The following ERCC1 variants were observed in gnomAD, a reference collection of about 807,000 sequenced individuals.
ERCC1 encodes DNA excision repair protein ERCC-1.
Under a neutral mutation model 37.6 loss-of-function variants are expected in ERCC1, and 36 were observed. The ratio of observed to expected loss-of-function variants is 0.96; its 90% CI spans 0.73 to 1.26. The LOEUF (loss-of-function observed/expected upper bound fraction) is 1.26, where lower values mean the gene tolerates loss of function less well. Among genes scored for constraint, ERCC1 ranks in the 50% most tolerant of loss-of-function variants. The probability of loss-of-function intolerance (pLI) is 0.00; values close to 1 mark genes in which losing one functional copy is unlikely to be tolerated. For missense variants in ERCC1, 349 were observed against 376.5 expected (o/e 0.93, Z 0.60); for synonymous variants, 156 against 162.1 (o/e 0.96, Z 0.28).
At chr19:45,424,203 C>T (rs944891004), upstream of ERCC1, 5 of 257,810 alleles carry the variant, frequency 1.9e-5, no homozygotes, top group African/African-American at 1.1e-4. Flanking sequence ...GACTTGGCTT[C>T]AGTTTCCTCA....
At position 45,409,468 on chromosome 19, in the gene ERCC1, G is replaced by C. The variant is rs2123436058; in HGVS notation, c.*207C>G. On this transcript the variant is annotated 3_prime_UTR_variant, in exon 10 of 10. Transcript: ENST00000300853. ...AGGAGGCTCCCACAGGCCGGGACAA[G>C]AAGCGGAAGCAGCAGCAGCAGCAGC... is the stretch of plus-strand genomic sequence containing the variant. 6.2e-7 allele frequency: 1 copy of C among 1,611,868 alleles called. No homozygotes were observed. The highest frequency in any genetic ancestry group is 8.5e-7 in the Non-Finnish European group (1 of 1,179,546).
chr19:45,440,750 C>T (rs1480347782), intron 1 of ERCC1, among the ~76,000 whole-genome samples: 7 of 152,146 alleles, frequency 4.6e-5, no homozygotes, highest in African/African-American at 7.2e-5. Context: ...CTTGCTCTGT[C>T]GCCCAGGCTG....
chr19:45,441,643 G>A (rs1303145200), intron 1 of ERCC1, among the ~76,000 whole-genome samples: 4 of 151,990 alleles, frequency 2.6e-5, no homozygotes, highest in Non-Finnish European at 5.9e-5. Flanking sequence ...CCAAAGTGCC[G>A]GGATTACAGG....
At chr19:45,449,731 G>A (rs911485687) in intron 1 of ERCC1, among the ~76,000 whole-genome samples, 1 of 151,962 alleles carries the variant, frequency 6.6e-6, no homozygotes, top group Non-Finnish European at 1.5e-5. Flanking sequence ...TTAGGAGGCC[G>A]AGGTGAGTGG....
At chr19:45,429,813 C>A (rs568120231) in intron 1 of ERCC1, among the ~76,000 whole-genome samples, 44 of 152,224 alleles carry the variant, frequency 2.9e-4, no homozygotes, top group African/African-American at 1.0e-3. Flanking sequence ...GAGACAGAGT[C>A]TCGCTCTGTC....
chr19:45,419,661 A>ACTC (rs546460820), intron 4 of ERCC1, among the ~76,000 whole-genome samples: 100 of 152,284 alleles, frequency 6.6e-4, no homozygotes, highest in African/African-American at 2.3e-3. Context: ...GGAGCACAGG[A>ACTC]ACTCAGAGGT....
At chr19:45,415,647 A>C (rs1221443995) in intron 6 of ERCC1, among the ~76,000 whole-genome samples, 1 of 151,564 alleles carries the variant, frequency 6.6e-6, no homozygotes, top group Non-Finnish European at 1.5e-5. Flanking sequence ...AAAAAAAAAA[A>C]AAAAAAAAAA....
At chr19:45,450,883 GCCCGC>G (rs1568604628) in intron 1 of ERCC1, among the ~76,000 whole-genome samples, 2 of 83,346 alleles carry the variant, frequency 2.4e-5, no homozygotes, top group Admixed American at 1.4e-4. Flanking sequence ...GTCTCCGTGC[GCCCGC>G]CCCCCCCCCC....
chr19:45,419,478 G>C, intron 4 of ERCC1: 1 of 432,092 alleles, frequency 2.3e-6, no homozygotes, highest in East Asian at 4.8e-5. Context: ...GGGAGAACAG[G>C]TGCCAGGGGC....
At chr19:45,435,821 C>T (rs537702922) in intron 1 of ERCC1, among the ~76,000 whole-genome samples, 3 of 152,078 alleles carry the variant, frequency 2.0e-5, no homozygotes, top group East Asian at 3.9e-4. Flanking sequence ...AGAGCAGTGG[C>T]GCAATCTTGG....
At chr19:45,448,791 C>T (rs1055030677) in intron 1 of ERCC1, among the ~76,000 whole-genome samples, 1 of 151,974 alleles carries the variant, frequency 6.6e-6, no homozygotes, top group Non-Finnish European at 1.5e-5. Flanking sequence ...AGACCCCCCA[C>T]CCCGCCCCAG....
At position 45,423,440 on chromosome 19, in the gene ERCC1, G is replaced by C. The variant is rs985510675; in HGVS notation, c.-7-59C>G. 10 of 1,546,712 alleles carry C rather than the reference G, an allele frequency of 6.5e-6. No homozygotes were observed. The African/African-American group carries it at 1.5e-4, about 22-fold the overall frequency. ...CTGGCGTCTACGTTCTCATCCCGCA[G>C]CAGGAACCCCCCACTCACAGCCGTC... is the stretch of plus-strand genomic sequence containing the variant. On this transcript the variant is annotated intron_variant, in intron 1 of 9. Coordinates refer to ENST00000300853, the MANE Select transcript of ERCC1 (RefSeq NM_001983.4).
intron 1 of ERCC1, among the ~76,000 whole-genome samples, chr19:45,434,769 A>ATTTTTATTTT (rs1169382887): frequency 3.9e-4 from 57 of 146,588 alleles, no homozygotes; most frequent in Admixed American, 3.4e-4. Flanking sequence ...AAATTTTTTT[A>ATTTTTATTTT]TTTTTATTTT....
intron 1 of ERCC1, among the ~76,000 whole-genome samples, chr19:45,446,360 AAG>A (rs1270256989): frequency 6.6e-6 from 1 of 152,118 alleles, no homozygotes; most frequent in Non-Finnish European, 1.5e-5. Flanking sequence ...CCTTTGAGTT[AAG>A]AGAGGCAAAA....
At position 45,409,740 on chromosome 19, in the gene ERCC1, G is replaced by GA. The variant is rs777551443; in HGVS notation, c.844-16dup. On this transcript the variant is annotated splice_polypyrimidine_tract_variant and intron_variant, in intron 9 of 9. Transcript: ENST00000300853. ...AGCCTCCGGGCCTGGATGGGAGGGA[G>GA]AAAAAAATGAGGAACCAGTCATTAA... 3 of 794,094 alleles carry GA rather than the reference G, an allele frequency of 3.8e-6. No individual in the cohort carries two copies. The highest frequency in any genetic ancestry group is 2.4e-5 in the East Asian group (1 of 41,270). The allele number at this position is 794,094 out of a possible 1,614,324, so 49.2% of individuals were successfully genotyped here. A position where few individuals can be genotyped will look rare whatever the true frequency, so the allele number is the denominator to read the frequency against.
In ERCC1 at chr19:45,435,895, CG is replaced by C. The variant is rs1974962766; in HGVS notation, c.-7-12515del. On this transcript the variant is annotated intron_variant, in intron 1 of 8. Transcript: ENST00000423698. ...CTCAAGTCTCAGCCTCCCAAGTAGC[CG>C]GGAGTACAGACATGTACCACCATGC... Among the ~76,000 whole-genome samples the C allele has an allele frequency of 3.3e-5, 5 of 152,136 alleles. No individual in the cohort carries two copies. The South Asian group carries it at 1.0e-3, about 32-fold the overall frequency.
chr19:45,418,352 A>ACAAT (rs529792933), intron 5 of ERCC1, among the ~76,000 whole-genome samples: 148 of 152,086 alleles, frequency 9.7e-4, no homozygotes, highest in African/African-American at 3.1e-3. Flanking sequence ...CTGTCTCAAA[A>ACAAT]CAATCAATCA....
upstream of ERCC1, among the ~76,000 whole-genome samples, chr19:45,425,452 A>C (rs1974663825): frequency 6.6e-6 from 1 of 151,856 alleles, no homozygotes; most frequent in African/African-American, 2.4e-5. Context: ...GCAATGGAGC[A>C]ATCTAGGCTC....
chr19:45,408,426 G>C lies in ERCC1; in HGVS notation c.*1249C>G, dbSNP rs1368490552. On this transcript the variant is annotated 3_prime_UTR_variant, in exon 10 of 10. Coordinates refer to ENST00000300853, the MANE Select transcript of ERCC1 (RefSeq NM_001983.4). ...CTGAGGCCTCGGTTCTGTGCCTTTGGGGGCAACCCACCAGTCACAGGGCCT... is the reference window on the plus strand; with the variant it reads ...CTGAGGCCTCGGTTCTGTGCCTTTGCGGGCAACCCACCAGTCACAGGGCCT... 1 of 1,613,664 alleles carries C rather than the reference G, an allele frequency of 6.2e-7. No individual in the cohort carries two copies. Among genetic ancestry groups the C allele is most frequent in the South Asian group, 1.1e-5 (1 of 91,072 alleles).
Sources: gnomAD v4.1 joint callset for allele counts (sites outside exome capture counted in the v4.1 genomes callset) on GRCh38, gnomAD v4.1.1 for gene constraint, MANE v1.5 for transcripts, NCBI Gene and HGNC (gene_info 2026-07-23, HGNC 2026-07-21) for gene names.